MSH3: variants seen among roughly 807,000 people sequenced by gnomAD.
The protein encoded by MSH3 is DNA mismatch repair protein Msh3.
Under a neutral mutation model 123.3 loss-of-function variants are expected in MSH3, and 106 were observed. The observed-to-expected ratio is 0.86, with a 90% CI of 0.73 to 1.01. MSH3 has a LOEUF of 1.01. MSH3 is among the 50% of genes least tolerant of loss of function. MSH3 has a pLI of 0.00. For missense variants in MSH3, 1,459 were observed against 1,347.6 expected (o/e 1.08, Z -1.29); for synonymous variants, 515 against 481.4 (o/e 1.07, Z -0.91).
In MSH3 at chr5:80,813,511, C is replaced by T. The variant is rs1580066360; in HGVS notation, c.2656-73C>T. On this transcript the variant is annotated intron_variant, in intron 19 of 23. Coordinates refer to ENST00000265081, the MANE Select transcript of MSH3 (RefSeq NM_002439.5). ...TAATGTTTTGCCTAATGCATTTCCACTTATGAGATAAATTGTGGATATTAT... is the reference window on the plus strand; with the variant it reads ...TAATGTTTTGCCTAATGCATTTCCATTTATGAGATAAATTGTGGATATTAT... The T allele has an allele frequency of 1.7e-5, 25 of 1,479,428 alleles. No individual in the cohort carries two copies. The South Asian group carries it at 2.9e-4, about 17-fold the overall frequency. 91.6% of individuals were successfully genotyped at this position (1,479,428 alleles called of 1,614,324 possible).
intron 8 of MSH3, among the ~76,000 whole-genome samples, chr5:80,702,872 C>T (rs999775335): frequency 1.3e-5 from 2 of 152,038 alleles, no homozygotes; most frequent in African/African-American, 4.8e-5. Context: ...ATTAGCTGCG[C>T]ATGATGGCAA....
rs1367514544 is a variant in MSH3, at chr5:80,654,673, G to T, written c.-55G>T. ...CCGCAGACGCCTGGGAACTGCGGCCGCGGGCTCGCGCTCCTCGCCAGGCCC... is the reference window on the plus strand; with the variant it reads ...CCGCAGACGCCTGGGAACTGCGGCCTCGGGCTCGCGCTCCTCGCCAGGCCC... On this transcript the variant is annotated 5_prime_UTR_variant, in exon 1 of 24. Coordinates refer to ENST00000265081, the MANE Select transcript of MSH3 (RefSeq NM_002439.5). 6.6e-7 allele frequency: 1 copy of T among 1,517,042 alleles called. No homozygotes were observed. Among genetic ancestry groups the T allele is most frequent in the Non-Finnish European group, 8.9e-7 (1 of 1,122,526 alleles). The allele number at this position is 1,517,042 out of a possible 1,614,324, so 94.0% of individuals were successfully genotyped here.
chr5:80,692,959 T>TTATA (rs1750348096), intron 8 of MSH3, among the ~76,000 whole-genome samples: 1 of 97,544 alleles, frequency 1.0e-5, no homozygotes, highest in African/African-American at 3.9e-5. Flanking sequence ...ATGTATATGT[T>TTATA]TAGATAAATA....
intron 8 of MSH3, among the ~76,000 whole-genome samples, chr5:80,720,058 A>G (rs1751049061): frequency 6.6e-6 from 1 of 152,174 alleles, no homozygotes; most frequent in South Asian, 2.1e-4. Context: ...GCCTTTATAC[A>G]TGGAAGATTG....
chr5:80,757,302 ACT>A (rs1743944116), intron 12 of MSH3, among the ~76,000 whole-genome samples: 1 of 152,056 alleles, frequency 6.6e-6, no homozygotes, highest in African/African-American at 2.4e-5. Context: ...ACCCTGTTGC[ACT>A]CTCAAATACT....
intron 10 of MSH3, among the ~76,000 whole-genome samples, chr5:80,731,621 A>G (rs891202007): frequency 4.6e-5 from 7 of 152,084 alleles, no homozygotes; most frequent in Non-Finnish European, 8.8e-5. Context: ...GTCATTGGAA[A>G]CCAAGATTAA....
rs559012740 is a variant in MSH3 at position 80,841,746 on chromosome 5, G to A, written c.2814-12384G>A. Among the ~76,000 whole-genome samples, 254 of 152,160 alleles carry A rather than the reference G, an allele frequency of 1.7e-3. 1 individual carries two copies. Among genetic ancestry groups the A allele is most frequent in the Admixed American group, 3.0e-3 (46 of 15,282 alleles). ...TCATATCCTTTGCCCACTTTTTGATGGGGTTGTTTGTTTTTTTCTTGTAAA... is the reference window on the plus strand; with the variant it reads ...TCATATCCTTTGCCCACTTTTTGATAGGGTTGTTTGTTTTTTTCTTGTAAA... On this transcript the variant is annotated intron_variant, in intron 20 of 23. Coordinates refer to ENST00000265081, the MANE Select transcript of MSH3 (RefSeq NM_002439.5).
chr5:80,705,659 A>C (rs1750704871), intron 8 of MSH3, among the ~76,000 whole-genome samples: 1 of 152,218 alleles, frequency 6.6e-6, no homozygotes, highest in African/African-American at 2.4e-5. Context: ...GATAGAAGTA[A>C]AAATATCAAA....
intron 15 of MSH3, among the ~76,000 whole-genome samples, chr5:80,771,020 G>A (rs1580037259): frequency 6.6e-6 from 1 of 152,106 alleles, no homozygotes; most frequent in East Asian, 1.9e-4. Context: ...GAGGAACAAA[G>A]TTTCTTCGTT....
At chr5:80,664,469 G>A (rs944045638) in intron 2 of MSH3, among the ~76,000 whole-genome samples, 10 of 139,672 alleles carry the variant, frequency 7.2e-5, no homozygotes, top group Non-Finnish European at 1.3e-4. Flanking sequence ...AGCATACATT[G>A]TGTCTGTGTT....
In MSH3 at chr5:80,672,153, T is replaced by C. The variant is rs578153426; in HGVS notation, c.793-91T>C. On this transcript the variant is annotated intron_variant, in intron 4 of 23. Transcript: ENST00000265081. ...ATTAAGTGTACAAATCCTAAATGTA[T>C]ACCTTGATTAATTTTTAATAAAGTG... 3.2e-6 allele frequency: 3 copies of C among 930,308 alleles called. No homozygotes were observed. The East Asian group carries it at 7.9e-5, about 25-fold the overall frequency. 57.6% of individuals were successfully genotyped at this position (930,308 alleles called of 1,614,324 possible).
intron 21 of MSH3, among the ~76,000 whole-genome samples, chr5:80,862,126 A>G (rs935696508): frequency 6.6e-6 from 1 of 152,160 alleles, no homozygotes; most frequent in African/African-American, 2.4e-5. Context: ...CTTGAGGAGC[A>G]CAGTGTCGGA....
At chr5:80,790,684 T>C (rs1304704139) in intron 18 of MSH3, among the ~76,000 whole-genome samples, 1 of 152,196 alleles carries the variant, frequency 6.6e-6, no homozygotes, top group Admixed American at 6.5e-5. Context: ...CAAGAAGGTA[T>C]AAAAGAAGAG....
At chr5:80,668,928 G>A (rs1308039296) in intron 3 of MSH3, among the ~76,000 whole-genome samples, 1 of 152,202 alleles carries the variant, frequency 6.6e-6, no homozygotes, top group Non-Finnish European at 1.5e-5. Context: ...TCTGGCTCCT[G>A]TCGGTTCTGT....
chr5:80,809,726 T>A (rs1744973136), intron 19 of MSH3, among the ~76,000 whole-genome samples: 1 of 152,176 alleles, frequency 6.6e-6, no homozygotes, highest in Non-Finnish European at 1.5e-5. Context: ...TTACATTCTT[T>A]CACTTTCCAT....
intron 12 of MSH3, among the ~76,000 whole-genome samples, chr5:80,755,609 G>A (rs1743914088): frequency 6.6e-6 from 1 of 152,052 alleles, no homozygotes; most frequent in Admixed American, 6.6e-5. Flanking sequence ...ATCCCTTTAG[G>A]ACATTGCTGA....
intron 22 of MSH3, among the ~76,000 whole-genome samples, chr5:80,869,006 C>T (rs2060950640): frequency 1.3e-5 from 2 of 152,114 alleles, no homozygotes; most frequent in African/African-American, 4.8e-5. Context: ...AAATGCCCCA[C>T]AGGTCTTTTG....
intron 8 of MSH3, among the ~76,000 whole-genome samples, chr5:80,682,926 T>C (rs374324997): frequency 2.0e-5 from 3 of 152,336 alleles, no homozygotes; most frequent in African/African-American, 7.2e-5. Context: ...TTTTAATTTT[T>C]AGCTCCCACA....
At chr5:80,669,317 G>T (rs1483377143) in intron 3 of MSH3, among the ~76,000 whole-genome samples, 2 of 151,998 alleles carry the variant, frequency 1.3e-5, no homozygotes, top group Non-Finnish European at 2.9e-5. Context: ...ATTTTTCATT[G>T]TAGGGGGAGC....
Sources: allele counts gnomAD v4.1 joint callset (sites outside exome capture counted in the v4.1 genomes callset), GRCh38; gene constraint gnomAD v4.1.1; transcripts MANE v1.5; gene names NCBI Gene and HGNC (gene_info 2026-07-23, HGNC 2026-07-21).